The following SEMA3D variants were observed in gnomAD, a reference collection of about 807,000 sequenced individuals.
SEMA3D encodes the protein semaphorin 3D.
A neutral mutation model predicts 100.1 loss-of-function variants in SEMA3D; 84 were observed. The ratio of observed to expected loss-of-function variants is 0.84; its 90% CI spans 0.70 to 1.01. The LOEUF is 1.01. SEMA3D is among the 50% of genes least tolerant of loss of function. The pLI is 0.00. For synonymous variants in SEMA3D, 312 were observed against 320.7 expected (o/e 0.97, Z 0.29); for missense variants, 875 against 934.1 (o/e 0.94, Z 0.82).
At chr7:85,022,970 C>A (rs17159556) in intron 12 of SEMA3D, among the ~76,000 whole-genome samples, 9,316 of 151,780 alleles carry the variant, frequency 0.061, 811 homozygotes, top group East Asian at 0.22. Context: ...ACGTGGAAAG[C>A]CATTATTTTC....
intron 3 of SEMA3D, among the ~76,000 whole-genome samples, chr7:85,098,845 C>T (rs1298976163): frequency 6.6e-6 from 1 of 151,802 alleles, no homozygotes; most frequent in African/African-American, 2.4e-5. Context: ...TTCTCCCCCA[C>T]CCCTCCCCGT....
intron 11 of SEMA3D, 149 bp downstream of exon 11, chr7:85,040,524 T>C (rs181285925): frequency 3.4e-6 from 2 of 583,852 alleles, no homozygotes. Context: ...ATTAAATGAT[T>C]TTTAAGGAAC....
At chr7:85,175,746 A>G (rs1315537935) in intron 1 of SEMA3D, among the ~76,000 whole-genome samples, 1 of 152,056 alleles carries the variant, frequency 6.6e-6, no homozygotes, top group Non-Finnish European at 1.5e-5. Flanking sequence ...TACTTTTATA[A>G]TTGGCCAATC....
chr7:85,118,882 T>C (rs1283391867), intron 3 of SEMA3D, among the ~76,000 whole-genome samples: 2 of 152,148 alleles, frequency 1.3e-5, no homozygotes, highest in East Asian at 3.9e-4. Context: ...CTGAATGGTA[T>C]TGCTTAGGTT....
the SEMA3D span, among the ~76,000 whole-genome samples, chr7:85,192,755 G>C: frequency 6.6e-6 from 1 of 152,208 alleles, no homozygotes; most frequent in East Asian, 1.9e-4. Flanking sequence ...TTAATGTAGT[G>C]AATAATATTG....
At chr7:85,023,249 A>T (rs1261926771) in intron 12 of SEMA3D, among the ~76,000 whole-genome samples, 1 of 151,876 alleles carries the variant, frequency 6.6e-6, no homozygotes, top group Non-Finnish European at 1.5e-5. Flanking sequence ...CCACTAAATC[A>T]ATAGTTAGCA....
At chr7:85,184,934 A>G (rs1336587106) in intron 1 of SEMA3D, among the ~76,000 whole-genome samples, 1 of 152,032 alleles carries the variant, frequency 6.6e-6, no homozygotes, top group Non-Finnish European at 1.5e-5. Flanking sequence ...ATCACTCCCA[A>G]CCCCGATCTT....
chr7:85,041,553 C>T (rs545398120), intron 10 of SEMA3D: 11 of 152,132 alleles, frequency 7.2e-5, no homozygotes, highest in Admixed American at 7.2e-4. Flanking sequence ...TGAAATAATT[C>T]CATGATATAG....
At chr7:85,100,538 T>G (rs910851587) in intron 3 of SEMA3D, among the ~76,000 whole-genome samples, 2 of 151,874 alleles carry the variant, frequency 1.3e-5, no homozygotes, top group African/African-American at 2.4e-5. Context: ...TTTAACCAAT[T>G]CATTATTTAA....
intron 8 of SEMA3D, among the ~76,000 whole-genome samples, chr7:85,062,870 C>G (rs1044023782): frequency 6.6e-6 from 1 of 152,004 alleles, no homozygotes; most frequent in African/African-American, 2.4e-5. Flanking sequence ...TGAAACTATT[C>G]GGATGGATGA....
chr7:85,052,809 TG>T (rs1389430798), intron 9 of SEMA3D, among the ~76,000 whole-genome samples: 1 of 152,010 alleles, frequency 6.6e-6, no homozygotes, highest in Non-Finnish European at 1.5e-5. Context: ...ATTTTGTTGC[TG>T]TTGTTGAAAT....
chr7:85,235,042 A>G, the SEMA3D span, among the ~76,000 whole-genome samples: 2 of 152,132 alleles, frequency 1.3e-5, no homozygotes, highest in Non-Finnish European at 2.9e-5. Context: ...CATTAACCCC[A>G]ACAAGATCTT....
chr7:85,116,695 T>C (rs1789254565), intron 3 of SEMA3D, among the ~76,000 whole-genome samples: 1 of 152,030 alleles, frequency 6.6e-6, no homozygotes, highest in African/African-American at 2.4e-5. Context: ...ACTCTGAGGT[T>C]CCAAAGATAT....
chr7:85,210,531 A>G, the SEMA3D span, among the ~76,000 whole-genome samples: 2 of 152,060 alleles, frequency 1.3e-5, no homozygotes, highest in Admixed American at 1.3e-4. Context: ...GTCAAAGCAT[A>G]GGTCTGAAAT....
At chr7:85,011,304 C>T (rs1344810792) in intron 17 of SEMA3D, among the ~76,000 whole-genome samples, 2 of 151,670 alleles carry the variant, frequency 1.3e-5, no homozygotes, top group Non-Finnish European at 2.9e-5. Context: ...TTGGATTTGG[C>T]AAGGAGGAAA....
chr7:85,099,138 G>A (rs1486829202), intron 3 of SEMA3D, among the ~76,000 whole-genome samples: 1 of 151,976 alleles, frequency 6.6e-6, no homozygotes, highest in Non-Finnish European at 1.5e-5. Flanking sequence ...AAACACCTGT[G>A]TGGAGGTTTT....
In SEMA3D at chr7:85,154,419, G is replaced by A. The variant is rs561640424; in HGVS notation, c.-172-680C>T. Among the ~76,000 whole-genome samples the A allele has an allele frequency of 8.5e-5, 13 of 152,074 alleles. No individual in the cohort carries two copies. In the East Asian group the frequency reaches 2.3e-3, roughly 27 times the overall value. On this transcript the variant is annotated intron_variant, in intron 1 of 18. Coordinates refer to ENST00000284136, the MANE Select transcript of SEMA3D (RefSeq NM_001384900.1). ...AGGGAGCCTCAGGGAAATGGGCAGC[G>A]AATCATACTCTTGGTATCCCATCAA...
rs565828413 is a variant in SEMA3D, at chr7:85,036,328, C to T, written c.1191+561G>A. 2.1e-4 allele frequency among the ~76,000 whole-genome samples: 32 copies of T among 152,086 alleles called. No homozygotes were observed. The South Asian group carries it at 5.8e-3, about 28-fold the overall frequency. ...TACATTCTTACTTACATCATTTGTG[C>T]TTTAAACATGATTCATACTATTTGA... On this transcript the variant is annotated intron_variant, in intron 12 of 18. Transcript: ENST00000284136.
At chr7:85,076,685 G>C (rs1169600854) in intron 5 of SEMA3D, among the ~76,000 whole-genome samples, 1 of 152,128 alleles carries the variant, frequency 6.6e-6, no homozygotes, top group Admixed American at 6.5e-5. Flanking sequence ...GCAGAATATT[G>C]TGATCATCAA....
Sources: allele counts gnomAD v4.1 joint callset (sites outside exome capture counted in the v4.1 genomes callset), GRCh38; gene constraint gnomAD v4.1.1; transcripts MANE v1.5; gene names NCBI Gene and HGNC (gene_info 2026-07-23, HGNC 2026-07-21).